The following NAV3 variants were observed in gnomAD, a reference collection of about 807,000 sequenced individuals.
NAV3 encodes pore membrane and/or filament interacting like protein 1.
NAV3 carries 87 observed loss-of-function variants against 244.7 expected under a neutral mutation model. That is an observed-to-expected ratio of 0.36 (90% CI 0.30 to 0.42). The LOEUF (loss-of-function observed/expected upper bound fraction) is 0.42. NAV3 is among the 20% of genes least tolerant of loss of function. The pLI, the probability that NAV3 is intolerant of heterozygous loss-of-function variation, is 1.00. For synonymous variants in NAV3, 1,126 were observed against 1,042.2 expected (o/e 1.08, Z -1.55); for missense variants, 2,663 against 2,893.3 (o/e 0.92, Z 1.83).
intron 5 of NAV3, among the ~76,000 whole-genome samples, chr12:77,981,089 G>A (rs987975936): frequency 6.6e-6 from 1 of 152,058 alleles, no homozygotes; most frequent in Non-Finnish European, 1.5e-5. Context: ...CAGCCACCCG[G>A]TTACTAAAAA....
chr12:77,758,192 T>C (rs1869279947), intron 2 of NAV3, among the ~76,000 whole-genome samples: 1 of 152,198 alleles, frequency 6.6e-6, no homozygotes, highest in Admixed American at 6.5e-5. Context: ...GATATAAATC[T>C]TTTCATCACT....
At position 77,853,080 on chromosome 12, in the gene NAV3, C is replaced by CA. The variant is rs373965365; in HGVS notation, c.243+21376_243+21377insA. 3.6e-3 allele frequency among the ~76,000 whole-genome samples: 544 copies of CA among 152,310 alleles called. 1 individual carries two copies. Among genetic ancestry groups the CA allele is most frequent in the African/African-American group, 0.013 (523 of 41,564 alleles). On this transcript the variant is annotated intron_variant, in intron 1 of 39. Transcript: ENST00000397909. ...TGCCACCATTTCTAAAGTGGTTGTACCAGATTGCTTTCTTACTAACCTGAA... is the reference window on the plus strand; with the variant it reads ...TGCCACCATTTCTAAAGTGGTTGTACACAGATTGCTTTCTTACTAACCTGAA...
At chr12:77,737,017 C>G (rs1877364311) in intron 2 of NAV3, among the ~76,000 whole-genome samples, 1 of 151,834 alleles carries the variant, frequency 6.6e-6, no homozygotes. Flanking sequence ...CCTTTGGCCT[C>G]CTTCTAACTT....
At chr12:77,936,033 A>C (rs2137398651) in intron 1 of NAV3, among the ~76,000 whole-genome samples, 1 of 152,306 alleles carries the variant, frequency 6.6e-6, no homozygotes. Flanking sequence ...CCGTATCAGT[A>C]GGTTATAATA....
At chr12:77,591,823 A>G (rs992645073) in intron 2 of NAV3, among the ~76,000 whole-genome samples, 1 of 152,218 alleles carries the variant, frequency 6.6e-6, no homozygotes, top group Admixed American at 6.5e-5. Context: ...TAATGTATAC[A>G]TATATGTTTA....
chr12:77,977,155 A>G (rs1868596932), intron 5 of NAV3, among the ~76,000 whole-genome samples: 1 of 152,132 alleles, frequency 6.6e-6, no homozygotes, highest in African/African-American at 2.4e-5. Flanking sequence ...TGTAAGTAGG[A>G]TGAGGACTGA....
intron 22 of NAV3, among the ~76,000 whole-genome samples, chr12:78,149,816 C>CCA (rs1957004208): frequency 6.6e-6 from 1 of 152,004 alleles, no homozygotes; most frequent in African/African-American, 2.4e-5. Context: ...AGGTGCAGAC[C>CCA]CACAGTGTAA....
intron 1 of NAV3, among the ~76,000 whole-genome samples, chr12:77,873,789 A>G (rs1474950970): frequency 7.5e-6 from 1 of 134,196 alleles, no homozygotes; most frequent in Non-Finnish European, 1.6e-5. Flanking sequence ...CATATGCATT[A>G]TGTGAAATTT....
chr12:77,788,669 C>T (rs1871023730), intron 2 of NAV3, among the ~76,000 whole-genome samples: 1 of 151,600 alleles, frequency 6.6e-6, no homozygotes, highest in Non-Finnish European at 1.5e-5. Flanking sequence ...CTTCCCACCC[C>T]CCTTTTCTTC....
intron 2 of NAV3, among the ~76,000 whole-genome samples, chr12:77,596,079 T>C (rs1293147258): frequency 1.3e-5 from 2 of 152,182 alleles, no homozygotes; most frequent in South Asian, 4.1e-4. Context: ...TTTAGTCAGA[T>C]AACTAGTAGT....
rs1954089727 is a variant in NAV3 at position 78,093,749 on chromosome 12, CT to C, written c.2637-23020del. ...AAAATTGTTTCTTACCCCAAATCATCTTTAATTTTAAATTTAGAAAATATAT... is the reference window on the plus strand; with the variant it reads ...AAAATTGTTTCTTACCCCAAATCATCTTAATTTTAAATTTAGAAAATATAT... On this transcript the variant is annotated intron_variant, in intron 12 of 39. Coordinates refer to ENST00000397909, the MANE Select transcript of NAV3 (RefSeq NM_001024383.2). 3.9e-5 allele frequency among the ~76,000 whole-genome samples: 6 copies of C among 152,226 alleles called. No homozygotes were observed. In the South Asian group the frequency reaches 1.2e-3, roughly 32 times the overall value.
intron 1 of NAV3, among the ~76,000 whole-genome samples, chr12:77,887,865 A>C (rs1312805587): frequency 6.6e-6 from 1 of 152,158 alleles, no homozygotes; most frequent in Non-Finnish European, 1.5e-5. Context: ...AAAGCAATAA[A>C]ATTGATGTTA....
chr12:77,660,528 G>GT (rs1037979230), intron 2 of NAV3, among the ~76,000 whole-genome samples: 3 of 151,928 alleles, frequency 2.0e-5, no homozygotes, highest in Non-Finnish European at 4.4e-5. Context: ...ATTTTAAATA[G>GT]TTTTTTACAG....
intron 1 of NAV3, among the ~76,000 whole-genome samples, chr12:77,876,498 A>G (rs1383886389): frequency 6.6e-6 from 1 of 152,102 alleles, no homozygotes; most frequent in Non-Finnish European, 1.5e-5. Context: ...ATGGTAGTCA[A>G]TACTGCATAC....
chr12:77,983,044 G>A (rs1233514576), intron 5 of NAV3, among the ~76,000 whole-genome samples: 3 of 152,278 alleles, frequency 2.0e-5, no homozygotes, highest in Non-Finnish European at 4.4e-5. Context: ...TGTTAAAATT[G>A]TCATAGCATA....
intron 25 of NAV3, 35 bp downstream of exon 25, chr12:78,175,462 A>G (rs1217602471): frequency 1.3e-6 from 2 of 1,598,852 alleles, no homozygotes; most frequent in Non-Finnish European, 1.7e-6. Context: ...TCAGAAGCTT[A>G]TTAATGCATA....
At chr12:77,803,576 T>A (rs1424548783) in intron 2 of NAV3, among the ~76,000 whole-genome samples, 1 of 152,208 alleles carries the variant, frequency 6.6e-6, no homozygotes, top group Non-Finnish European at 1.5e-5. Context: ...TGAATAGTGC[T>A]GTAATAAACA....
chr12:77,927,186 T>G (rs1294882090), intron 1 of NAV3, among the ~76,000 whole-genome samples: 1 of 152,228 alleles, frequency 6.6e-6, no homozygotes, highest in Non-Finnish European at 1.5e-5. Flanking sequence ...GTATTAATAT[T>G]TAGATTTTAG....
chr12:78,122,262 A>G lies in NAV3; in HGVS notation c.4072A>G (p.Lys1358Glu). 6.2e-7 allele frequency: 1 copy of G among 1,614,178 alleles called. No individual in the cohort carries two copies. The highest frequency in any genetic ancestry group is 1.1e-5 in the South Asian group (1 of 91,090). ...ANMSSSSAGS[K>E]DTPSYQSMTS... ...TATGAGCAGTTCCTCTGCAGGCAGC[A>G]AGGATACTCCGAGCTACCAGTCCAT... The change falls in exon 16 of 40, where the codon AAG (lysine) becomes GAG (glutamate). Residue 1358 changes from lysine (K) to glutamate (E), a missense_variant. By Grantham distance (56) the Lys-to-Glu change is moderately conservative. Coordinates refer to ENST00000397909, the MANE Select transcript of NAV3 (RefSeq NM_001024383.2).
Sources: allele counts gnomAD v4.1 joint callset (sites outside exome capture counted in the v4.1 genomes callset), GRCh38; gene constraint gnomAD v4.1.1; transcripts MANE v1.5; gene names NCBI Gene and HGNC (gene_info 2026-07-23, HGNC 2026-07-21).